The following STAG2 variants were observed in gnomAD, a reference collection of about 807,000 sequenced individuals.
STAG2 encodes the protein STAG2 cohesin complex component.
STAG2 carries 14 observed loss-of-function variants against 108.1 expected under a neutral mutation model. That is an observed-to-expected ratio of 0.13 (90% CI 0.09 to 0.20). The LOEUF (loss-of-function observed/expected upper bound fraction) is 0.20. STAG2 is among the 10% of genes least tolerant of loss of function. The probability of loss-of-function intolerance (pLI) is 1.00; values close to 1 mark genes in which losing one functional copy is unlikely to be tolerated. For synonymous variants in STAG2, 307 were observed against 302.7 expected (o/e 1.01, Z -0.15); for missense variants, 440 against 940.9 (o/e 0.47, Z 6.96).
intron 30 of STAG2, among the ~76,000 whole-genome samples, chrX:124,090,268 C>T (rs996429152): frequency 9.1e-6 from 1 of 109,319 alleles, no homozygotes; most frequent in African/African-American, 3.3e-5. Flanking sequence ...TCTAGCCCAC[C>T]TGATACCTAC....
intron 34 of STAG2, among the ~76,000 whole-genome samples, chrX:124,098,296 CA>C (rs768088767): frequency 3.9e-4 from 43 of 111,382 alleles, no homozygotes; most frequent in African/African-American, 1.4e-3. Flanking sequence ...CACATGATGG[CA>C]GCAGTCACAT....
chrX:124,037,706 C>A, intron 6 of STAG2, 83 bp downstream of exon 6: 1 of 503,026 alleles, frequency 2.0e-6, no homozygotes, highest in South Asian at 4.8e-5. Flanking sequence ...TAGCACTTTA[C>A]ATGGTAAATA....
chrX:123,996,945 A>G (rs1417770171), intron 1 of STAG2, among the ~76,000 whole-genome samples: 1 of 112,504 alleles, frequency 8.9e-6, no homozygotes, highest in Non-Finnish European at 1.9e-5. Flanking sequence ...GAAAGAATTA[A>G]CTTTTTTTGA....
rs750638711 is a variant in STAG2, at chrX:124,046,484, ATTAAC to A, written c.668-866_668-862del. 3.8e-3 allele frequency among the ~76,000 whole-genome samples: 423 copies of A among 112,083 alleles called. 1 individual carries two copies. The highest frequency in any genetic ancestry group is 0.013 in the African/African-American group (394 of 30,933). On this transcript the variant is annotated intron_variant, in intron 8 of 34. Transcript: ENST00000371145. Reference sequence around the variant, plus strand: ...CAGACTGGTTTGCTGGGAGCATGAAATTAACTTAGAGCAGAAAATTGGGAAATCTT... The same window carrying A: ...CAGACTGGTTTGCTGGGAGCATGAAATTAGAGCAGAAAATTGGGAAATCTT...
intron 9 of STAG2, 33 bp from the exon 10 acceptor site, chrX:124,048,972 A>G: frequency 3.6e-6 from 4 of 1,124,169 alleles, no homozygotes; most frequent in Non-Finnish European, 4.9e-6. Context: ...GTCTTCCTTT[A>G]CAATTGAAAA....
intron 34 of STAG2, among the ~76,000 whole-genome samples, chrX:124,100,028 T>C (rs1270544441): frequency 8.9e-6 from 1 of 111,880 alleles, no homozygotes; most frequent in East Asian, 2.8e-4. Flanking sequence ...TTCTTAAAAT[T>C]TGTAGTTCTG....
intron 1 of STAG2, among the ~76,000 whole-genome samples, chrX:123,985,593 C>T (rs1162771392): frequency 1.8e-5 from 2 of 109,706 alleles, no homozygotes; most frequent in South Asian, 3.9e-4. Context: ...TTTTTAGACA[C>T]GATTTTGCTC....
chrX:124,024,505 G>C (rs1249163236), intron 3 of STAG2, among the ~76,000 whole-genome samples: 1 of 110,871 alleles, frequency 9.0e-6, no homozygotes, highest in Non-Finnish European at 1.9e-5. Context: ...ATTAACTCTA[G>C]GGAATGGTAT....
At chrX:123,974,087 T>C (rs2054503170) in intron 1 of STAG2, among the ~76,000 whole-genome samples, 1 of 110,990 alleles carries the variant, frequency 9.0e-6, no homozygotes, top group Non-Finnish European at 1.9e-5. Context: ...AAATTAGGGC[T>C]GCACTGAAAA....
intron 25 of STAG2, among the ~76,000 whole-genome samples, chrX:124,076,047 A>G (rs1341774721): frequency 1.8e-5 from 2 of 111,408 alleles, no homozygotes; most frequent in Non-Finnish European, 3.8e-5. Flanking sequence ...TTGACAAACT[A>G]TCCTGCTAGG....
At chrX:124,097,170 A>G (rs1603203782) in intron 34 of STAG2, among the ~76,000 whole-genome samples, 1 of 57,137 alleles carries the variant, frequency 1.8e-5, no homozygotes, top group South Asian at 1.8e-3. Context: ...CAGAGCCGAG[A>G]CCCTGTCTCA....
chrX:123,996,780 G>A (rs924172286), intron 1 of STAG2, among the ~76,000 whole-genome samples: 18 of 111,769 alleles, frequency 1.6e-4, no homozygotes, highest in Non-Finnish European at 3.4e-4. Flanking sequence ...AACATAATTT[G>A]CTTATCCATT....
chrX:124,056,561 G>A (rs910432498), intron 14 of STAG2, among the ~76,000 whole-genome samples: 17 of 107,161 alleles, frequency 1.6e-4, no homozygotes, highest in Non-Finnish European at 2.5e-4. Context: ...GTGAAACCCC[G>A]TCTCTACTAA....
chrX:124,049,279 G>T (rs914428650), intron 10 of STAG2, among the ~76,000 whole-genome samples: 39 of 111,376 alleles, frequency 3.5e-4, no homozygotes, highest in African/African-American at 1.2e-3. Flanking sequence ...TGAAAAATGG[G>T]ATAATGCTGT....
intron 2 of STAG2, 140 bp downstream of exon 2, chrX:124,021,571 T>G (rs1370122046): frequency 8.9e-6 from 1 of 112,171 alleles, no homozygotes; most frequent in Non-Finnish European, 1.9e-5. Flanking sequence ...CTGTCTGCCA[T>G]TTTTACATGT....
chrX:123,982,050 A>T (rs1486290815), intron 1 of STAG2, among the ~76,000 whole-genome samples: 1 of 110,880 alleles, frequency 9.0e-6, no homozygotes, highest in Non-Finnish European at 1.9e-5. Flanking sequence ...ACATTTAAAA[A>T]TGCAATGCCG....
chrX:124,055,249 A>C (rs1405174131), intron 13 of STAG2, among the ~76,000 whole-genome samples: 1 of 112,858 alleles, frequency 8.9e-6, no homozygotes, highest in East Asian at 2.8e-4. Flanking sequence ...TCAGCACAAC[A>C]GAAAACCAAA....
intron 1 of STAG2, among the ~76,000 whole-genome samples, chrX:123,965,431 T>C (rs1411305792): frequency 1.8e-5 from 2 of 111,879 alleles, no homozygotes; most frequent in Non-Finnish European, 3.8e-5. Flanking sequence ...TGTATTGACT[T>C]CTGCGGTCAC....
intron 8 of STAG2, among the ~76,000 whole-genome samples, chrX:124,046,822 G>A (rs1027984014): frequency 1.8e-5 from 2 of 111,585 alleles, no homozygotes; most frequent in African/African-American, 6.5e-5. Context: ...ATGTTATAGA[G>A]TAAAATGAAA....
Sources: gnomAD v4.1 joint callset for allele counts (sites outside exome capture counted in the v4.1 genomes callset) on GRCh38, gnomAD v4.1.1 for gene constraint, MANE v1.5 for transcripts, NCBI Gene and HGNC (gene_info 2026-07-23, HGNC 2026-07-21) for gene names.